Variants in PPM1E observed in about 807,000 individuals in gnomAD.
PPM1E encodes the protein protein phosphatase 1E.
Under a neutral mutation model 65.9 loss-of-function variants are expected in PPM1E, and 20 were observed. That is an observed-to-expected ratio of 0.30 (90% confidence interval 0.21 to 0.44). The LOEUF is 0.44. PPM1E is among the 20% of genes least tolerant of loss of function. The pLI, the probability that PPM1E is intolerant of heterozygous loss-of-function variation, is 1.00. For missense variants in PPM1E, 713 were observed against 953.1 expected, an observed-to-expected ratio of 0.75 and a Z score of 3.32; for synonymous variants, 352 against 374.9, an observed-to-expected ratio of 0.94 and a Z score of 0.70.
intron 1 of PPM1E, among the ~76,000 whole-genome samples, chr17:58,825,256 ACACAC>A (rs2143153136): frequency 6.6e-6 from 1 of 151,682 alleles, no homozygotes; most frequent in East Asian, 1.9e-4. Context: ...ACACACACAC[ACACAC>A]ACAAAAATAA....
intron 1 of PPM1E, among the ~76,000 whole-genome samples, chr17:58,814,410 A>C (rs1598587445): frequency 6.6e-6 from 1 of 152,336 alleles, no homozygotes; most frequent in East Asian, 1.9e-4. Flanking sequence ...TTCTAACAAC[A>C]GCCAAGGGAG....
intron 1 of PPM1E, among the ~76,000 whole-genome samples, chr17:58,847,389 T>C (rs2050782625): frequency 6.6e-6 from 1 of 152,240 alleles, no homozygotes; most frequent in East Asian, 1.9e-4. Flanking sequence ...TCTTCTAGGC[T>C]TTTTATGATT....
chr17:58,924,541 G>A lies in PPM1E; in HGVS notation c.465-31108G>A, dbSNP rs559141769. Reference sequence around the variant, plus strand: ...ACTCTAACCTGGGCAACAGAGTTTAGTCCAATAGCATGAGTTTCTTTTTCT... The same window carrying A: ...ACTCTAACCTGGGCAACAGAGTTTAATCCAATAGCATGAGTTTCTTTTTCT... On this transcript the variant is annotated intron_variant, in intron 1 of 6. Coordinates refer to ENST00000308249, the MANE Select transcript of PPM1E (RefSeq NM_014906.5). Among the ~76,000 whole-genome samples, 3 of 152,112 alleles carry A rather than the reference G, an allele frequency of 2.0e-5. No homozygotes were observed. In the South Asian group the frequency reaches 6.2e-4, roughly 32 times the overall value.
chr17:58,852,196 G>A (rs145001139), intron 1 of PPM1E, among the ~76,000 whole-genome samples: 5 of 152,244 alleles, frequency 3.3e-5, no homozygotes, highest in Admixed American at 3.3e-4. Context: ...CCCTTTGCTA[G>A]GAAAGGGAAT....
chr17:58,923,994 C>T lies in PPM1E; in HGVS notation c.465-31655C>T, dbSNP rs557646907. 6.3e-5 allele frequency among the ~76,000 whole-genome samples: 9 copies of T among 141,882 alleles called. No individual in the cohort carries two copies. The South Asian group carries it at 2.2e-3, about 34-fold the overall frequency. 93.1% of individuals were successfully genotyped at this position (141,882 alleles called of 152,430 possible). ...AGTGCAGTGGCGTGATCTTGGCTCACTGCAACCTCCACCTCCTGGGTTCAA... is the reference window on the plus strand; with the variant it reads ...AGTGCAGTGGCGTGATCTTGGCTCATTGCAACCTCCACCTCCTGGGTTCAA... On this transcript the variant is annotated intron_variant, in intron 1 of 6. Coordinates refer to ENST00000308249, the MANE Select transcript of PPM1E (RefSeq NM_014906.5).
intron 1 of PPM1E, among the ~76,000 whole-genome samples, chr17:58,929,291 A>AT (rs1598656145): frequency 6.6e-6 from 1 of 152,130 alleles, no homozygotes; most frequent in African/African-American, 2.4e-5. Context: ...ACAGTAGGAG[A>AT]TTGAGAGTGA....
intron 1 of PPM1E, among the ~76,000 whole-genome samples, chr17:58,806,266 C>T (rs1334817934): frequency 4.6e-5 from 7 of 151,036 alleles, no homozygotes; most frequent in East Asian, 3.9e-4. Context: ...CTTATCAATG[C>T]GAGAGTACAA....
intron 1 of PPM1E, among the ~76,000 whole-genome samples, chr17:58,788,471 A>G (rs558547651): frequency 8.7e-4 from 133 of 152,328 alleles, no homozygotes; most frequent in African/African-American, 3.1e-3. Flanking sequence ...GTATAGTTTC[A>G]CATACTATTG....
chr17:58,804,636 A>G (rs1055756172), intron 1 of PPM1E, among the ~76,000 whole-genome samples: 6 of 152,180 alleles, frequency 3.9e-5, no homozygotes, highest in African/African-American at 4.8e-5. Flanking sequence ...TAGTTTCTGA[A>G]TCATTTGCTC....
At chr17:58,887,651 A>G (rs980580910) in intron 1 of PPM1E, among the ~76,000 whole-genome samples, 9 of 152,226 alleles carry the variant, frequency 5.9e-5, no homozygotes, top group African/African-American at 2.2e-4. Context: ...GTGAAAGAAT[A>G]GTATTACAAA....
intron 2 of PPM1E, among the ~76,000 whole-genome samples, chr17:58,958,372 G>A (rs966576274): frequency 3.3e-5 from 5 of 151,418 alleles, no homozygotes; most frequent in African/African-American, 7.3e-5. Context: ...CACCATGCTC[G>A]GCTAATGTTT....
chr17:58,856,209 A>T (rs904902168), intron 1 of PPM1E, among the ~76,000 whole-genome samples: 2 of 152,070 alleles, frequency 1.3e-5, no homozygotes, highest in Non-Finnish European at 2.9e-5. Context: ...TGAGTTCTGT[A>T]TTCTAATGTT....
intron 1 of PPM1E, among the ~76,000 whole-genome samples, chr17:58,940,060 A>C (rs2052043344): frequency 6.6e-6 from 1 of 152,200 alleles, no homozygotes; most frequent in Non-Finnish European, 1.5e-5. Flanking sequence ...CCAAACTGCT[A>C]TGAGTATTGG....
intron 2 of PPM1E, among the ~76,000 whole-genome samples, chr17:58,961,838 A>G (rs529447452): frequency 3.3e-5 from 5 of 152,108 alleles, no homozygotes; most frequent in African/African-American, 4.8e-5. Context: ...GGGTCTTGCT[A>G]TGTTGGCCAG....
At chr17:58,855,038 A>G (rs1232227816) in intron 1 of PPM1E, among the ~76,000 whole-genome samples, 1 of 152,196 alleles carries the variant, frequency 6.6e-6, no homozygotes, top group African/African-American at 2.4e-5. Context: ...TCAAGTGTGG[A>G]CAACTCTGAG....
intron 1 of PPM1E, among the ~76,000 whole-genome samples, chr17:58,800,007 C>G (rs1352584075): frequency 6.6e-6 from 1 of 152,140 alleles, no homozygotes; most frequent in African/African-American, 2.4e-5. Flanking sequence ...CTACAACATT[C>G]CTGGTAGGAA....
In PPM1E at chr17:58,980,306, G is replaced by A. The variant is rs1180408706; in HGVS notation, c.1543G>A (p.Gly515Ser). ...CTCTTTTCAAGGAGGGCAAGAAGAT[G>A]GTGGGGATGATAAGGAGAATCATGG... is the stretch of plus-strand genomic sequence containing the variant. ...ENSFQGGQED[G>S]GDDKENHGEC... The change falls in exon 7 of 7, where the codon GGT (glycine) becomes AGT (serine). Residue 515 changes from glycine (G) to serine (S), a missense_variant. This residue lies in a region of PPM1E where 286 missense variants were observed against 313.8 expected (regional missense o/e 0.91). Coordinates refer to ENST00000308249, the MANE Select transcript of PPM1E (RefSeq NM_014906.5). This position sits in a 1 kb window ranked among gnomAD's most constrained non-coding sequence, Gnocchi z 4.7. 1 of 1,614,138 alleles carries A rather than the reference G, an allele frequency of 6.2e-7. No homozygotes were observed. Among genetic ancestry groups the A allele is most frequent in the Admixed American group, 1.7e-5 (1 of 60,022 alleles).
intron 1 of PPM1E, among the ~76,000 whole-genome samples, chr17:58,842,186 C>T (rs926323394): frequency 4.6e-5 from 7 of 152,058 alleles, no homozygotes; most frequent in Non-Finnish European, 1.0e-4. Flanking sequence ...TGTAGTATAC[C>T]TGACCAGAAC....
At chr17:58,968,607 G>A (rs2030404427) in intron 3 of PPM1E, among the ~76,000 whole-genome samples, 1 of 152,140 alleles carries the variant, frequency 6.6e-6, no homozygotes, top group Non-Finnish European at 1.5e-5. Context: ...AGAAAAAGAA[G>A]TCAAAAGACT....
Sources: allele counts gnomAD v4.1 joint callset (sites outside exome capture counted in the v4.1 genomes callset), GRCh38; gene constraint gnomAD v4.1.1; regional missense constraint gnomAD v4.1.1; non-coding constraint Gnocchi (gnomAD v3.1); transcripts MANE v1.5; gene names NCBI Gene and HGNC (gene_info 2026-07-23, HGNC 2026-07-21).